STARD13: variants seen among roughly 807,000 people sequenced by gnomAD.
STARD13 encodes the protein StAR related lipid transfer domain containing 13.
A neutral mutation model predicts 106.4 loss-of-function variants in STARD13; 62 were observed. The ratio of observed to expected loss-of-function variants is 0.58; its 90% CI spans 0.48 to 0.72. The LOEUF is 0.72. Among genes scored for constraint, STARD13 ranks in the 30% least tolerant of loss-of-function variants. STARD13 has a pLI of 0.00. For missense variants in STARD13, 1,387 were observed against 1,424.0 expected (o/e 0.97, Z 0.42); for synonymous variants, 565 against 553.0 (o/e 1.02, Z -0.31).
In STARD13 at chr13:33,210,278, C is replaced by T. The variant is rs116090003; in HGVS notation, c.170-42656G>A. On this transcript the variant is annotated intron_variant, in intron 1 of 13. Coordinates refer to ENST00000336934, the MANE Select transcript of STARD13 (RefSeq NM_178006.4). ...CAGGTTGCAGACAATTTGCAAATTC[C>T]GGCAAGAGTAAATGAAGAACACAGT... Among the ~76,000 whole-genome samples, 757 of 152,244 alleles carry T rather than the reference C, an allele frequency of 5.0e-3. 7 individuals carry two copies. The highest frequency in any genetic ancestry group is 0.017 in the African/African-American group (718 of 41,540).
intron 1 of STARD13, among the ~76,000 whole-genome samples, chr13:33,339,695 T>C (rs553591688): frequency 6.6e-6 from 1 of 152,332 alleles, no homozygotes; most frequent in South Asian, 2.1e-4. Context: ...TATAAGATAA[T>C]ACTTGAAATA....
At chr13:33,289,139 C>A (rs1372183831), upstream of STARD13, among the ~76,000 whole-genome samples, 1 of 152,164 alleles carries the variant, frequency 6.6e-6, no homozygotes, top group African/African-American at 2.4e-5. Flanking sequence ...TCACAAGCAT[C>A]TTCCAGGACT....
At chr13:33,222,749 T>C (rs1156537351) in intron 1 of STARD13, among the ~76,000 whole-genome samples, 1 of 152,246 alleles carries the variant, frequency 6.6e-6, no homozygotes, top group Non-Finnish European at 1.5e-5. Flanking sequence ...ATGCACATAA[T>C]GTGTAAATGG....
At chr13:33,621,593 T>C in the STARD13 span, among the ~76,000 whole-genome samples, 1 of 136,536 alleles carries the variant, frequency 7.3e-6, no homozygotes, top group Non-Finnish European at 1.5e-5. Flanking sequence ...GGCAGAAGAA[T>C]GGCGTGAACC....
chr13:33,266,647 A>G (rs980992580), intron 1 of STARD13, among the ~76,000 whole-genome samples: 1 of 152,174 alleles, frequency 6.6e-6, no homozygotes, highest in African/African-American at 2.4e-5. Context: ...GTGGAAATAC[A>G]GCTTCTTCCC....
the STARD13 span, among the ~76,000 whole-genome samples, chr13:33,585,048 G>A: frequency 0.011 from 1,614 of 152,260 alleles, 27 homozygotes; most frequent in African/African-American, 0.034. Flanking sequence ...AAATTATCCA[G>A]TCTCAGGTAT....
chr13:33,401,883 TC>T, the STARD13 span, among the ~76,000 whole-genome samples: 1 of 152,214 alleles, frequency 6.6e-6, no homozygotes, highest in Non-Finnish European at 1.5e-5. Flanking sequence ...GGCCATTTGT[TC>T]CAACACATCA....
intron 1 of STARD13, among the ~76,000 whole-genome samples, chr13:33,268,619 C>A (rs879279879): frequency 6.6e-6 from 1 of 152,138 alleles, no homozygotes; most frequent in Admixed American, 6.5e-5. Flanking sequence ...GGTCACACAG[C>A]GCATCAGTGC....
intron 1 of STARD13, among the ~76,000 whole-genome samples, chr13:33,334,535 T>G (rs1043826744): frequency 1.3e-5 from 2 of 152,120 alleles, no homozygotes; most frequent in African/African-American, 4.8e-5. Flanking sequence ...CAGCGGACCC[T>G]TGTCAGGGCC....
chr13:33,171,106 A>G (rs1029096617), intron 1 of STARD13, among the ~76,000 whole-genome samples: 4 of 152,238 alleles, frequency 2.6e-5, no homozygotes, highest in African/African-American at 9.6e-5. Flanking sequence ...AAAAGTGTGA[A>G]AAACTCTTTT....
At chr13:33,429,006 C>G in the STARD13 span, among the ~76,000 whole-genome samples, 3 of 152,156 alleles carry the variant, frequency 2.0e-5, no homozygotes, top group Admixed American at 2.0e-4. Context: ...TGGCTTATAT[C>G]CAAAAGACAG....
At chr13:33,571,949 G>T in the STARD13 span, among the ~76,000 whole-genome samples, 1 of 152,176 alleles carries the variant, frequency 6.6e-6, no homozygotes, top group East Asian at 1.9e-4. Flanking sequence ...CAGGGAATTT[G>T]CTAGGCCAAT....
At chr13:33,476,855 C>G in the STARD13 span, among the ~76,000 whole-genome samples, 1 of 152,206 alleles carries the variant, frequency 6.6e-6, no homozygotes, top group African/African-American at 2.4e-5. Context: ...GACACTGACT[C>G]CTGCTAAATC....
rs193066971 is a variant in STARD13 at position 33,124,460 on chromosome 13, C to T, written c.2082+1621G>A. ...GAGTCTTCTTCCTCCAAGCCTTTGC[C>T]GGCACACTGTTTTTCATCTTGGCAT... On this transcript the variant is annotated intron_variant, in intron 7 of 13. Coordinates refer to ENST00000336934, the MANE Select transcript of STARD13 (RefSeq NM_178006.4). Among the ~76,000 whole-genome samples, 31 of 152,212 alleles carry T rather than the reference C, an allele frequency of 2.0e-4. No homozygotes were observed. The South Asian group carries it at 3.1e-3, about 15-fold the overall frequency.
the STARD13 span, among the ~76,000 whole-genome samples, chr13:33,517,681 G>C: frequency 2.0e-5 from 3 of 152,172 alleles, no homozygotes; most frequent in Admixed American, 2.0e-4. Flanking sequence ...TTCATAGGCA[G>C]TATCAATCCA....
At chr13:33,664,095 A>G in the STARD13 span, among the ~76,000 whole-genome samples, 1 of 152,224 alleles carries the variant, frequency 6.6e-6, no homozygotes, top group Admixed American at 6.5e-5. Flanking sequence ...GGATTTTCCT[A>G]GATCCAAGTA....
At chr13:33,664,918 G>A in the STARD13 span, among the ~76,000 whole-genome samples, 3 of 152,288 alleles carry the variant, frequency 2.0e-5, no homozygotes, top group South Asian at 2.1e-4. Context: ...GAGCCACTAC[G>A]CCCGGCCAAA....
At chr13:33,644,215 A>G in the STARD13 span, among the ~76,000 whole-genome samples, 1 of 152,224 alleles carries the variant, frequency 6.6e-6, no homozygotes. Flanking sequence ...TACTGGACTC[A>G]GGCCTGGTCT....
the STARD13 span, among the ~76,000 whole-genome samples, chr13:33,361,591 A>G: frequency 6.6e-6 from 1 of 152,226 alleles, no homozygotes. Context: ...AAGAGGTTTA[A>G]TTGACTCACA....
Sources: gnomAD v4.1 joint callset for allele counts (sites outside exome capture counted in the v4.1 genomes callset) on GRCh38, gnomAD v4.1.1 for gene constraint, MANE v1.5 for transcripts, NCBI Gene and HGNC (gene_info 2026-07-23, HGNC 2026-07-21) for gene names.